ACSM1: variants seen among roughly 807,000 people sequenced by gnomAD.
ACSM1 encodes the protein acyl-CoA synthetase medium chain family member 1.
ACSM1 carries 79 observed loss-of-function variants against 75.8 expected under a neutral mutation model. The observed-to-expected ratio is 1.04, with a 90% CI of 0.87 to 1.26. The LOEUF (loss-of-function observed/expected upper bound fraction) is 1.26, where lower values mean the gene tolerates loss of function less well. ACSM1 is among the 50% of genes most tolerant of loss of function. ACSM1 has a pLI of 0.00. For missense variants in ACSM1, 676 were observed against 720.1 expected, an observed-to-expected ratio of 0.94 and a Z score of 0.70; for synonymous variants, 279 against 265.8, an observed-to-expected ratio of 1.05 and a Z score of -0.48.
At chr16:20,631,940 A>G (rs980345154) in intron 10 of ACSM1, among the ~76,000 whole-genome samples, 2 of 152,228 alleles carry the variant, frequency 1.3e-5, no homozygotes, top group Non-Finnish European at 1.5e-5. Context: ...AGAAATCACC[A>G]CTAAAGAACT....
At chr16:20,633,203 G>A (rs913347687) in intron 10 of ACSM1, among the ~76,000 whole-genome samples, 3 of 152,122 alleles carry the variant, frequency 2.0e-5, no homozygotes, top group Non-Finnish European at 4.4e-5. Flanking sequence ...CATCTGAATT[G>A]GAAAGATGAA....
chr16:20,655,178 CAT>C (rs2018884589), intron 7 of ACSM1, among the ~76,000 whole-genome samples: 1 of 143,456 alleles, frequency 7.0e-6, no homozygotes, highest in African/African-American at 2.6e-5. Context: ...TGTTCTCCCT[CAT>C]AGGTGGGAAT....
At chr16:20,678,921 C>T (rs1191679214) in intron 4 of ACSM1, among the ~76,000 whole-genome samples, 2 of 152,016 alleles carry the variant, frequency 1.3e-5, no homozygotes, top group African/African-American at 4.8e-5. Flanking sequence ...AGCCGGCCAC[C>T]CCCCATCATC....
chr16:20,672,295 A>G (rs976680922), intron 4 of ACSM1, among the ~76,000 whole-genome samples: 3 of 150,436 alleles, frequency 2.0e-5, no homozygotes, highest in South Asian at 2.1e-4. Context: ...TAAAAAAAAT[A>G]TATTTAGTTG....
chr16:20,680,145 C>T (rs1297750498), intron 4 of ACSM1: 2 of 152,158 alleles, frequency 1.3e-5, no homozygotes, highest in African/African-American at 2.4e-5. Flanking sequence ...AGTATGTTAA[C>T]CAAACCAAAC....
chr16:20,642,510 T>C (rs559349556), intron 7 of ACSM1, among the ~76,000 whole-genome samples: 4 of 152,212 alleles, frequency 2.6e-5, no homozygotes, highest in Non-Finnish European at 5.9e-5. Context: ...AAGGGAGACC[T>C]TGAAGCATGG....
Position 20,669,844 on chromosome 16 carries a change from T to C in ACSM1, c.895A>G (p.Thr299Ala). The C allele has an allele frequency of 6.2e-7, 1 of 1,613,948 alleles. No individual in the cohort carries two copies. The highest frequency in any genetic ancestry group is 1.1e-5 in the South Asian group (1 of 91,078). The change falls in exon 6 of 14, where the codon ACC becomes GCC. Residue 299 changes from threonine (T) to alanine (A), a missense_variant. Coordinates refer to ENST00000520010, the MANE Select transcript of ACSM1 (RefSeq NM_001318890.3). ...VFIHHLPQFD[T>A]KVIIQTLLKY... ...CTTCTTACCTGTATGATGACCTTGG[T>C]GTCAAACTGTGGCAGATGGTGGATA...
chr16:20,633,811 G>A (rs780296354), intron 10 of ACSM1, among the ~76,000 whole-genome samples: 4 of 152,104 alleles, frequency 2.6e-5, no homozygotes, highest in Non-Finnish European at 4.4e-5. Flanking sequence ...CAGGTGGATC[G>A]CTGGAGGCCA....
At chr16:20,680,643 A>C (rs1220021621) in intron 4 of ACSM1, 1 of 152,268 alleles carries the variant, frequency 6.6e-6, no homozygotes, top group Non-Finnish European at 1.5e-5. Context: ...TCACAGAGGC[A>C]GTAGGAGAAA....
chr16:20,660,543 G>A (rs1178148877), intron 7 of ACSM1, among the ~76,000 whole-genome samples: 1 of 152,140 alleles, frequency 6.6e-6, no homozygotes, highest in African/African-American at 2.4e-5. Context: ...TAAGATGTGT[G>A]CCAAGTTTGG....
At chr16:20,638,804 G>A (rs138203055) in intron 8 of ACSM1, among the ~76,000 whole-genome samples, 58 of 152,262 alleles carry the variant, frequency 3.8e-4, no homozygotes, top group Non-Finnish European at 7.2e-4. Context: ...TGTGAAAAAC[G>A]TTGCACACAT....
At chr16:20,656,180 T>C (rs923099603) in intron 7 of ACSM1, among the ~76,000 whole-genome samples, 6 of 152,150 alleles carry the variant, frequency 3.9e-5, no homozygotes, top group Non-Finnish European at 5.9e-5. Flanking sequence ...TTTGAGCATG[T>C]CTTTTATTCT....
intron 9 of ACSM1, 171 bp downstream of exon 9, chr16:20,637,200 A>G: frequency 1.3e-6 from 1 of 777,242 alleles, no homozygotes. Context: ...TCATGCTCAC[A>G]ATAATGCAGT....
intron 13 of ACSM1, 75 bp downstream of exon 13, chr16:20,624,021 C>G: frequency 6.3e-7 from 1 of 1,583,062 alleles, no homozygotes; most frequent in Non-Finnish European, 8.6e-7. Flanking sequence ...TGTTTGTTAC[C>G]TCCAGTGATA....
intron 7 of ACSM1, among the ~76,000 whole-genome samples, chr16:20,641,629 G>A (rs1238570968): frequency 6.6e-6 from 1 of 152,216 alleles, no homozygotes; most frequent in African/African-American, 2.4e-5. Context: ...TGGGCTCCCA[G>A]GGCTCGGGGC....
At chr16:20,660,105 C>T (rs1443481218) in intron 7 of ACSM1, among the ~76,000 whole-genome samples, 2 of 152,186 alleles carry the variant, frequency 1.3e-5, no homozygotes, top group Non-Finnish European at 2.9e-5. Flanking sequence ...TCATATTTAG[C>T]TCAGAATAAA....
chr16:20,672,958 CTCATATATAAAAT>C (rs1219512367), intron 4 of ACSM1, among the ~76,000 whole-genome samples: 2 of 135,024 alleles, frequency 1.5e-5, no homozygotes, highest in Non-Finnish European at 3.1e-5. Context: ...TATATTATAT[CTCATATATAAAAT>C]TTATATATAA....
intron 7 of ACSM1, 53 bp downstream of exon 7, chr16:20,661,741 A>C: frequency 7.6e-7 from 1 of 1,307,770 alleles, no homozygotes; most frequent in Non-Finnish European, 1.1e-6. Flanking sequence ...ATGATGTATC[A>C]GATTCCTTAA....
At chr16:20,687,126 A>G (rs773405478) in intron 2 of ACSM1, among the ~76,000 whole-genome samples, 4 of 152,054 alleles carry the variant, frequency 2.6e-5, no homozygotes, top group Non-Finnish European at 5.9e-5. Context: ...GGCTTGTCCA[A>G]GGGTTGCGGA....
Sources: gnomAD v4.1 joint callset for allele counts (sites outside exome capture counted in the v4.1 genomes callset) on GRCh38, gnomAD v4.1.1 for gene constraint, MANE v1.5 for transcripts, NCBI Gene and HGNC (gene_info 2026-07-23, HGNC 2026-07-21) for gene names.